The following ANKAR variants were observed in gnomAD, a reference collection of about 807,000 sequenced individuals.
The protein encoded by ANKAR is ankyrin and armadillo repeat-containing protein.
Under a neutral mutation model 146.2 loss-of-function variants are expected in ANKAR, and 136 were observed. That is an observed-to-expected ratio of 0.93 (90% CI 0.81 to 1.07). The LOEUF (loss-of-function observed/expected upper bound fraction) is 1.07. Among genes scored for constraint, ANKAR ranks in the 50% least tolerant of loss-of-function variants. ANKAR has a pLI of 0.00. For synonymous variants in ANKAR, 500 were observed against 575.8 expected (o/e 0.87, Z 1.88); for missense variants, 1,567 against 1,679.9 (o/e 0.93, Z 1.18).
chr2:189,742,565 G>C (rs1375588257), intron 20 of ANKAR, among the ~76,000 whole-genome samples: 1 of 151,942 alleles, frequency 6.6e-6, no homozygotes, highest in Admixed American at 6.6e-5. Flanking sequence ...TTTTTTTAAA[G>C]TAATAAATAA....
intron 17 of ANKAR, among the ~76,000 whole-genome samples, chr2:189,736,447 C>G (rs1446466725): frequency 6.9e-6 from 1 of 145,090 alleles, no homozygotes. Context: ...CCTAGTTTCT[C>G]AAGCCTTTGA....
chr2:189,751,374 A>G (rs2045179697), downstream of ANKAR, among the ~76,000 whole-genome samples: 1 of 152,000 alleles, frequency 6.6e-6, no homozygotes, highest in Non-Finnish European at 1.5e-5. Context: ...CAGTTCATTC[A>G]TCATCAGCAT....
At chr2:189,729,715 T>TGTGTGTGTGTGG (rs61101787) in intron 15 of ANKAR, among the ~76,000 whole-genome samples, 60 of 141,482 alleles carry the variant, frequency 4.2e-4, no homozygotes, top group East Asian at 2.2e-3. Context: ...TGTGTGTGTG[T>TGTGTGTGTGTGG]GGTGCGGGTG....
chr2:189,698,636 T>C (rs2037601296), intron 7 of ANKAR, among the ~76,000 whole-genome samples: 1 of 152,226 alleles, frequency 6.6e-6, no homozygotes, highest in South Asian at 2.1e-4. Flanking sequence ...TACAACGAAC[T>C]GAATTGTCAA....
intron 7 of ANKAR, among the ~76,000 whole-genome samples, chr2:189,702,570 C>A (rs775354511): frequency 1.1e-3 from 175 of 152,286 alleles, no homozygotes; most frequent in Non-Finnish European, 1.5e-3. Flanking sequence ...ACTTCTCTGA[C>A]AAACTTAAGG....
chr2:189,699,073 G>A (rs1477278735), intron 7 of ANKAR, among the ~76,000 whole-genome samples: 4 of 152,130 alleles, frequency 2.6e-5, no homozygotes, highest in Non-Finnish European at 5.9e-5. Context: ...TGTTTTGTTA[G>A]CCACAGTTTC....
intron 11 of ANKAR, among the ~76,000 whole-genome samples, chr2:189,720,147 T>A (rs1233792973): frequency 3.3e-5 from 5 of 152,262 alleles, no homozygotes; most frequent in African/African-American, 1.2e-4. Flanking sequence ...ATAGCTATAT[T>A]AACTGTCACA....
chr2:189,752,768 G>C (rs754260672), intron 18 of ANKAR: 10 of 1,613,124 alleles, frequency 6.2e-6, no homozygotes, highest in Non-Finnish European at 7.6e-6. Context: ...TCCAAGATCT[G>C]AAGGAAGAAG....
exon 19 of ANKAR, chr2:189,761,184 A>T (rs2047011646): frequency 2.9e-6 from 1 of 348,122 alleles, no homozygotes; most frequent in Non-Finnish European, 5.1e-6. Context: ...ATAAATACGG[A>T]AGCTGGGAAT....
intron 18 of ANKAR, chr2:189,752,727 A>G (rs371831352): frequency 1.9e-6 from 3 of 1,613,942 alleles, no homozygotes; most frequent in Non-Finnish European, 1.7e-6. Flanking sequence ...TACCATTCCT[A>G]AATAAGAAGC....
At chr2:189,755,502 T>C (rs773068198) in intron 18 of ANKAR, 1 of 1,602,698 alleles carries the variant, frequency 6.2e-7, no homozygotes. Context: ...TCTTGTACTA[T>C]TCGTTGAATA....
At chr2:189,724,323 A>G (rs2041632498) in intron 12 of ANKAR, among the ~76,000 whole-genome samples, 1 of 152,192 alleles carries the variant, frequency 6.6e-6, no homozygotes, top group Non-Finnish European at 1.5e-5. Flanking sequence ...TCTTTAAATT[A>G]TTCAGTGACT....
At chr2:189,711,793 C>T (rs779952778) in intron 10 of ANKAR, among the ~76,000 whole-genome samples, 21 of 152,324 alleles carry the variant, frequency 1.4e-4, no homozygotes, top group Admixed American at 5.2e-4. Flanking sequence ...TGCAGGGCAT[C>T]GCCTCACCTG....
rs763264203 is a variant in ANKAR, at chr2:189,728,680, C to G, written c.3052C>G (p.Leu1018Val). Residue 1018 changes from leucine (L) to valine (V), a missense_variant, in exon 15 of 23, where the codon CTA becomes GTA. Transcript: ENST00000684021. The part of the protein sequence containing the change: ...QYVGGEAVIA[L>V]SKDSRMHQNQ... ...ATCAGGAGGTGAAGCTGTCATAGCT[C>G]TAAGTAAGGACAGCAGGATGCATCA... 5 of 1,613,544 alleles carry G rather than the reference C, an allele frequency of 3.1e-6. No individual in the cohort carries two copies. The East Asian group carries it at 1.1e-4, about 36-fold the overall frequency.
At chr2:189,736,591 C>T (rs555328978) in intron 17 of ANKAR, among the ~76,000 whole-genome samples, 2 of 145,742 alleles carry the variant, frequency 1.4e-5, no homozygotes, top group East Asian at 4.1e-4. Context: ...GACAGGGTAG[C>T]ATAATGAACC....
intron 12 of ANKAR, among the ~76,000 whole-genome samples, chr2:189,724,178 T>TA (rs1483910150): frequency 3.9e-5 from 6 of 152,182 alleles, no homozygotes; most frequent in African/African-American, 1.4e-4. Context: ...CTACTTTTTG[T>TA]ACTGATTCAG....
chr2:189,750,118 T>C (rs1448052190), downstream of ANKAR, among the ~76,000 whole-genome samples: 2 of 151,856 alleles, frequency 1.3e-5, no homozygotes, highest in African/African-American at 2.4e-5. Context: ...CAGAGGGAGA[T>C]TATCTCCAAA....
At chr2:189,705,817 A>G (rs2038854581) in intron 8 of ANKAR, among the ~76,000 whole-genome samples, 1 of 152,082 alleles carries the variant, frequency 6.6e-6, no homozygotes, top group Admixed American at 6.6e-5. Flanking sequence ...TATTTAGGGT[A>G]AAGGTGTAAC....
At chr2:189,717,060 C>T (rs1027306769) in intron 10 of ANKAR, among the ~76,000 whole-genome samples, 1 of 152,046 alleles carries the variant, frequency 6.6e-6, no homozygotes, top group African/African-American at 2.4e-5. Flanking sequence ...ACACCAAAAG[C>T]AATGGCAACA....
Sources: allele counts gnomAD v4.1 joint callset (sites outside exome capture counted in the v4.1 genomes callset), GRCh38; gene constraint gnomAD v4.1.1; transcripts MANE v1.5; gene names NCBI Gene and HGNC (gene_info 2026-07-23, HGNC 2026-07-21).